The following PCDH15 variants were observed in gnomAD, a reference collection of about 807,000 sequenced individuals.
PCDH15 encodes the protein protocadherin-15.
PCDH15 carries 129 observed loss-of-function variants against 178.5 expected under a neutral mutation model. That is an observed-to-expected ratio of 0.72 (90% CI 0.63 to 0.84). PCDH15 has a LOEUF of 0.84. PCDH15 is among the 40% of genes least tolerant of loss of function. The pLI is 0.00. For synonymous variants in PCDH15, 800 were observed against 732.0 expected (o/e 1.09, Z -1.50); for missense variants, 2,230 against 2,099.9 (o/e 1.06, Z -1.21).
chr10:54,201,765 C>T (rs1041479775), intron 10 of PCDH15, among the ~76,000 whole-genome samples: 7 of 149,486 alleles, frequency 4.7e-5, no homozygotes, highest in Non-Finnish European at 7.4e-5. Flanking sequence ...TGTGTGTGAA[C>T]GTACACGAAG....
chr10:53,911,354 C>T (rs370236788), intron 25 of PCDH15, among the ~76,000 whole-genome samples: 96 of 152,198 alleles, frequency 6.3e-4, no homozygotes, highest in Middle Eastern at 3.4e-3. Flanking sequence ...TGCTCCTGAA[C>T]GACTACTGGG....
intron 25 of PCDH15, among the ~76,000 whole-genome samples, chr10:53,932,960 TC>T (rs2085208726): frequency 6.6e-6 from 1 of 151,852 alleles, no homozygotes; most frequent in Admixed American, 6.6e-5. Flanking sequence ...TGTGGCACCT[TC>T]CCCCACCACT....
At chr10:54,958,681 G>A (rs1444379714) in intron 2 of PCDH15, among the ~76,000 whole-genome samples, 1 of 151,530 alleles carries the variant, frequency 6.6e-6, no homozygotes, top group East Asian at 1.9e-4. Flanking sequence ...ATACAAAATA[G>A]TATGATAGAA....
At chr10:54,768,114 CTA>C (rs1948715367) in intron 1 of PCDH15, among the ~76,000 whole-genome samples, 1 of 152,002 alleles carries the variant, frequency 6.6e-6, no homozygotes, top group African/African-American at 2.4e-5. Context: ...ATTAAAATGT[CTA>C]TTAATAAAAA....
At chr10:53,832,735 G>A (rs1355889091) in intron 29 of PCDH15, among the ~76,000 whole-genome samples, 1 of 151,950 alleles carries the variant, frequency 6.6e-6, no homozygotes. Flanking sequence ...TGCCATGCTT[G>A]TGTACTTTTT....
rs769008985 is a variant in PCDH15 at position 54,153,089 on chromosome 10, A to C, written c.1784+11T>G. 1 of 1,613,646 alleles carries C rather than the reference A, an allele frequency of 6.2e-7. No homozygotes were observed. The highest frequency in any genetic ancestry group is 8.5e-7 in the Non-Finnish European group (1 of 1,179,732). On this transcript the variant is annotated intron_variant, in intron 14 of 37. Coordinates refer to ENST00000644397, the MANE Select transcript of PCDH15 (RefSeq NM_001384140.1). ...CGATGAAAAGACTGCATTGGTTCTAATATAAATTACCTTCGCTCTGCAGGA... is the reference window on the plus strand; with the variant it reads ...CGATGAAAAGACTGCATTGGTTCTACTATAAATTACCTTCGCTCTGCAGGA...
At chr10:55,357,998 C>T (rs992872292) in intron 2 of PCDH15, among the ~76,000 whole-genome samples, 1 of 152,036 alleles carries the variant, frequency 6.6e-6, no homozygotes, top group African/African-American at 2.4e-5. Flanking sequence ...TTTGCAGAGA[C>T]TGAGAAGAAT....
intron 13 of PCDH15, among the ~76,000 whole-genome samples, chr10:54,182,247 G>A (rs1194084456): frequency 6.6e-6 from 1 of 152,206 alleles, no homozygotes; most frequent in Non-Finnish European, 1.5e-5. Context: ...GATTACAGGT[G>A]TGAGCCGCCA....
chr10:54,012,852 T>C (rs1191578636), intron 20 of PCDH15, among the ~76,000 whole-genome samples: 1 of 152,116 alleles, frequency 6.6e-6, no homozygotes, highest in Non-Finnish European at 1.5e-5. Flanking sequence ...TCTCTGACAC[T>C]ATAAAGCAAT....
At chr10:54,763,165 G>A (rs1168194823) in intron 1 of PCDH15, among the ~76,000 whole-genome samples, 19 of 152,224 alleles carry the variant, frequency 1.2e-4, no homozygotes, top group African/African-American at 4.6e-4. Flanking sequence ...AGAGTGCCAG[G>A]TGGTTGGTAG....
At chr10:54,390,767 T>C (rs1174603531) in intron 3 of PCDH15, among the ~76,000 whole-genome samples, 1 of 152,186 alleles carries the variant, frequency 6.6e-6, no homozygotes, top group African/African-American at 2.4e-5. Flanking sequence ...ATATAGTTAC[T>C]GTAAGGCTAT....
chr10:55,461,733 T>G (rs1839683410), intron 2 of PCDH15, among the ~76,000 whole-genome samples: 1 of 152,134 alleles, frequency 6.6e-6, no homozygotes, highest in Non-Finnish European at 1.5e-5. Flanking sequence ...GGTTGTTAAA[T>G]TTTTAACAGA....
intron 1 of PCDH15, among the ~76,000 whole-genome samples, chr10:54,671,314 ATAAAT>A (rs1422914996): frequency 6.6e-6 from 1 of 152,196 alleles, no homozygotes; most frequent in Non-Finnish European, 1.5e-5. Context: ...AGAAACACAA[ATAAAT>A]TAATGAGTAA....
intron 1 of PCDH15, among the ~76,000 whole-genome samples, chr10:54,785,056 A>T (rs1950717053): frequency 6.6e-6 from 1 of 151,850 alleles, no homozygotes; most frequent in Non-Finnish European, 1.5e-5. Flanking sequence ...CACAGAGTTC[A>T]TCTACCCGAT....
chr10:54,678,149 T>C (rs1324993164), intron 1 of PCDH15, among the ~76,000 whole-genome samples: 2 of 152,194 alleles, frequency 1.3e-5, no homozygotes, highest in Admixed American at 6.5e-5. Context: ...GTAACATATA[T>C]AAATATATGT....
chr10:54,131,511 T>C (rs2042435889), intron 15 of PCDH15, among the ~76,000 whole-genome samples: 1 of 151,898 alleles, frequency 6.6e-6, no homozygotes, highest in African/African-American at 2.4e-5. Flanking sequence ...GTAGGTTTTA[T>C]TCCCTTTCTT....
intron 2 of PCDH15, among the ~76,000 whole-genome samples, chr10:55,621,412 C>G (rs1837384567): frequency 6.6e-6 from 1 of 152,186 alleles, no homozygotes; most frequent in Non-Finnish European, 1.5e-5. Context: ...AGGGGTCCCC[C>G]ACCCCAGGGG....
At chr10:54,820,791 C>A (rs1368785842) in intron 3 of PCDH15, among the ~76,000 whole-genome samples, 3 of 151,938 alleles carry the variant, frequency 2.0e-5, no homozygotes, top group African/African-American at 7.2e-5. Context: ...CACATATTAT[C>A]AAGTATTACT....
intron 2 of PCDH15, among the ~76,000 whole-genome samples, chr10:55,591,925 T>C (rs1444453838): frequency 1.3e-5 from 2 of 152,194 alleles, no homozygotes; most frequent in African/African-American, 4.8e-5. Context: ...ACATGACATA[T>C]ATGTATACAT....
Sources: gnomAD v4.1 joint callset for allele counts (sites outside exome capture counted in the v4.1 genomes callset) on GRCh38, gnomAD v4.1.1 for gene constraint, MANE v1.5 for transcripts, NCBI Gene and HGNC (gene_info 2026-07-23, HGNC 2026-07-21) for gene names.